ZC3H12B: variants seen among roughly 807,000 people sequenced by gnomAD.
The protein encoded by ZC3H12B is probable ribonuclease ZC3H12B.
ZC3H12B carries 7 observed loss-of-function variants against 43.9 expected under a neutral mutation model. That is an observed-to-expected ratio of 0.16 (90% CI 0.09 to 0.30). The LOEUF (loss-of-function observed/expected upper bound fraction) is 0.30. ZC3H12B is among the 10% of genes least tolerant of loss of function. The pLI, the probability that ZC3H12B is intolerant of heterozygous loss-of-function variation, is 1.00. For missense variants in ZC3H12B, 475 were observed against 670.2 expected, an observed-to-expected ratio of 0.71 and a Z score of 3.22; for synonymous variants, 222 against 241.7, an observed-to-expected ratio of 0.92 and a Z score of 0.76.
At chrX:65,268,772 G>C in the ZC3H12B span, among the ~76,000 whole-genome samples, 20 of 111,465 alleles carry the variant, frequency 1.8e-4, no homozygotes, top group African/African-American at 5.9e-4. Flanking sequence ...GGCCATATAT[G>C]AAAAACCTAC....
At chrX:65,080,570 G>A in the ZC3H12B span, among the ~76,000 whole-genome samples, 1 of 106,805 alleles carries the variant, frequency 9.4e-6, no homozygotes, top group African/African-American at 3.4e-5. Context: ...AGGAGAGAGG[G>A]CATGATATAT....
the ZC3H12B span, among the ~76,000 whole-genome samples, chrX:65,335,829 C>T: frequency 3.6e-5 from 4 of 111,923 alleles, no homozygotes; most frequent in East Asian, 2.8e-4. Context: ...ATTCCTGTTC[C>T]CTGGATGGCA....
chrX:65,109,573 A>T, the ZC3H12B span, among the ~76,000 whole-genome samples: 1 of 111,807 alleles, frequency 8.9e-6, no homozygotes, highest in Admixed American at 9.5e-5. Flanking sequence ...TAGATGTACT[A>T]CATGTAGTTT....
At chrX:65,251,340 G>A in the ZC3H12B span, among the ~76,000 whole-genome samples, 1 of 111,639 alleles carries the variant, frequency 9.0e-6, no homozygotes, top group African/African-American at 3.3e-5. Context: ...GGTTACTGTA[G>A]CCTTGTAGTA....
chrX:65,502,683 A>G, exon 5 of ZC3H12B: 1 of 1,210,177 alleles, frequency 8.3e-7, no homozygotes. Flanking sequence ...TTAGCTCTGC[A>G]TGCCCAGCAC....
intron 3 of ZC3H12B, among the ~76,000 whole-genome samples, chrX:65,463,907 C>T (rs1231358372): frequency 9.0e-6 from 1 of 111,138 alleles, no homozygotes. Flanking sequence ...TTTTGCCAAG[C>T]TGTATCAGCT....
At chrX:65,185,602 G>T in the ZC3H12B span, 1 of 111,606 alleles carries the variant, frequency 9.0e-6, no homozygotes, top group Non-Finnish European at 1.9e-5. Context: ...CACCATCAGT[G>T]AGGTAGGAAA....
chrX:65,301,989 A>G, the ZC3H12B span, among the ~76,000 whole-genome samples: 2 of 111,629 alleles, frequency 1.8e-5, no homozygotes, highest in African/African-American at 6.5e-5. Context: ...TAAAAAAAAA[A>G]ACTTTTTAGC....
chrX:65,416,625 CAAA>C (rs56857046), intron 3 of ZC3H12B, among the ~76,000 whole-genome samples: 8,401 of 88,275 alleles, frequency 0.095, 995 homozygotes, highest in African/African-American at 0.31. Flanking sequence ...ACTAAAAATA[CAAA>C]AAAAAAAAAA....
At chrX:65,388,607 G>A (rs990162114) in intron 2 of ZC3H12B, among the ~76,000 whole-genome samples, 2 of 111,442 alleles carry the variant, frequency 1.8e-5, no homozygotes, top group African/African-American at 6.5e-5. Flanking sequence ...TTAGCTCAGA[G>A]TAGTTTGATT....
chrX:65,319,624 A>G, the ZC3H12B span, among the ~76,000 whole-genome samples: 5 of 111,586 alleles, frequency 4.5e-5, no homozygotes, highest in African/African-American at 1.6e-4. Context: ...ACACAAAAAA[A>G]GGAAACATCA....
the ZC3H12B span, among the ~76,000 whole-genome samples, chrX:65,239,208 A>C: frequency 9.0e-6 from 1 of 111,016 alleles, no homozygotes; most frequent in Non-Finnish European, 1.9e-5. Flanking sequence ...TGTGCGTCTA[A>C]GTCTCTTTGT....
chrX:65,483,345 A>G (rs756163310), intron 3 of ZC3H12B, among the ~76,000 whole-genome samples: 1 of 112,097 alleles, frequency 8.9e-6, no homozygotes, highest in African/African-American at 3.2e-5. Flanking sequence ...CCTTTATGAT[A>G]TAATTCCTGC....
chrX:65,228,206 C>G, the ZC3H12B span, among the ~76,000 whole-genome samples: 1 of 111,828 alleles, frequency 8.9e-6, no homozygotes, highest in Non-Finnish European at 1.9e-5. Context: ...GGCTTCATCC[C>G]TGGGATGCAA....
chrX:65,170,194 G>C, the ZC3H12B span, among the ~76,000 whole-genome samples: 2,018 of 111,698 alleles, frequency 0.018, 98 homozygotes, highest in East Asian at 0.19. Context: ...TCCATGGTTA[G>C]TGCTTTTTTC....
the ZC3H12B span, among the ~76,000 whole-genome samples, chrX:65,054,209 C>G: frequency 8.9e-6 from 1 of 111,765 alleles, no homozygotes; most frequent in East Asian, 2.8e-4. Flanking sequence ...ATGGTATTGC[C>G]TAGGTTTTCT....
the ZC3H12B span, among the ~76,000 whole-genome samples, chrX:65,238,303 C>T: frequency 2.7e-5 from 3 of 111,346 alleles, no homozygotes; most frequent in Non-Finnish European, 5.7e-5. Context: ...AGGGATTCAA[C>T]GTCTTTCTCA....
chrX:65,191,990 G>T, the ZC3H12B span, among the ~76,000 whole-genome samples: 1 of 108,110 alleles, frequency 9.2e-6, no homozygotes, highest in East Asian at 2.9e-4. Context: ...CAGAGATTCT[G>T]GTATGTTGTG....
intron 3 of ZC3H12B, among the ~76,000 whole-genome samples, chrX:65,464,493 G>T (rs781668983): frequency 8.6e-4 from 95 of 110,628 alleles, no homozygotes; most frequent in African/African-American, 3.0e-3. Flanking sequence ...CCTGATTTTA[G>T]TAATTTATGT....
Sources: gnomAD v4.1 joint callset for allele counts (sites outside exome capture counted in the v4.1 genomes callset) on GRCh38, gnomAD v4.1.1 for gene constraint, MANE v1.5 for transcripts, NCBI Gene and HGNC (gene_info 2026-07-23, HGNC 2026-07-21) for gene names.